Variants in TENM2 observed in about 807,000 individuals in gnomAD.
TENM2 encodes the protein teneurin-2.
In TENM2, 52 loss-of-function variants were observed where a neutral mutation model predicts 245.2. That is an observed-to-expected ratio of 0.21 (90% CI 0.17 to 0.27). The LOEUF (loss-of-function observed/expected upper bound fraction) is 0.27, where lower values mean the gene tolerates loss of function less well. TENM2 is among the 10% of genes least tolerant of loss of function. TENM2 has a pLI of 1.00. For missense variants in TENM2, 3,046 were observed against 3,666.8 expected (o/e 0.83, Z 4.37); for synonymous variants, 1,363 against 1,438.9 (o/e 0.95, Z 1.19).
chr5:167,483,774 A>G (rs1262390043), intron 2 of TENM2, among the ~76,000 whole-genome samples: 1 of 152,188 alleles, frequency 6.6e-6, no homozygotes, highest in Non-Finnish European at 1.5e-5. Flanking sequence ...TTTTTAAGCC[A>G]AAAATTTAAG....
chr5:167,650,389 T>G (rs1754375699), intron 2 of TENM2, among the ~76,000 whole-genome samples: 1 of 152,196 alleles, frequency 6.6e-6, no homozygotes. Flanking sequence ...TTTTCTGGCT[T>G]TGCCCCTAAT....
At chr5:167,621,708 C>T (rs1778186542) in intron 2 of TENM2, among the ~76,000 whole-genome samples, 1 of 152,248 alleles carries the variant, frequency 6.6e-6, no homozygotes, top group Admixed American at 6.5e-5. Context: ...GGATACCTAA[C>T]ATAGGTAAGC....
At chr5:167,009,232 G>A in the TENM2 span, among the ~76,000 whole-genome samples, 2 of 152,038 alleles carry the variant, frequency 1.3e-5, no homozygotes, top group Non-Finnish European at 2.9e-5. Context: ...CCCTACACAC[G>A]CACACATATA....
chr5:168,171,843 C>G (rs1168859152), intron 13 of TENM2, among the ~76,000 whole-genome samples: 4 of 152,138 alleles, frequency 2.6e-5, no homozygotes, highest in Non-Finnish European at 5.9e-5. Context: ...TCACTGGTGG[C>G]AAGGAGGTGA....
intron 2 of TENM2, among the ~76,000 whole-genome samples, chr5:167,649,551 A>G (rs1561637464): frequency 6.6e-6 from 1 of 152,140 alleles, no homozygotes; most frequent in Non-Finnish European, 1.5e-5. Context: ...GTCTTTTGAG[A>G]CTGTCTTTTT....
intron 9 of TENM2, among the ~76,000 whole-genome samples, chr5:168,113,321 A>AAAT (rs760696651): frequency 1.4e-4 from 21 of 151,984 alleles, no homozygotes; most frequent in Admixed American, 2.0e-4. Context: ...CCATGTCTCC[A>AAAT]AATAATAATA....
intron 13 of TENM2, among the ~76,000 whole-genome samples, chr5:168,185,826 CTT>C (rs5873094): frequency 6.8e-5 from 10 of 146,188 alleles, no homozygotes; most frequent in African/African-American, 1.2e-4. Context: ...ACTTTTGCAT[CTT>C]TTTTTTTAAA....
chr5:167,948,229 T>C (rs1408533472), intron 3 of TENM2, among the ~76,000 whole-genome samples: 1 of 152,190 alleles, frequency 6.6e-6, no homozygotes, highest in Admixed American at 6.5e-5. Flanking sequence ...TTATGGGAAT[T>C]GGTATCGTTA....
the TENM2 span, among the ~76,000 whole-genome samples, chr5:167,006,653 C>CT: frequency 0.082 from 12,181 of 149,226 alleles, 605 homozygotes; most frequent in East Asian, 0.31. Context: ...CATATTCCAT[C>CT]TTTTTTTTTT....
intron 2 of TENM2, among the ~76,000 whole-genome samples, chr5:167,377,537 A>G (rs1760835663): frequency 2.0e-5 from 3 of 152,300 alleles, no homozygotes; most frequent in Admixed American, 2.0e-4. Context: ...TATTTTACAT[A>G]TTCAAAAGAG....
At chr5:167,339,171 C>T (rs1470569847) in intron 1 of TENM2, among the ~76,000 whole-genome samples, 1 of 152,198 alleles carries the variant, frequency 6.6e-6, no homozygotes, top group Non-Finnish European at 1.5e-5. Context: ...TAAATAGTAT[C>T]TAAATCAGAT....
At chr5:167,876,216 C>G in intron 3 of TENM2, 21 bp downstream of exon 5, 2 of 1,530,402 alleles carry the variant, frequency 1.3e-6, no homozygotes, top group Non-Finnish European at 8.9e-7. Flanking sequence ...TCCGTGGTGT[C>G]TGAATGTGTG....
chr5:167,860,351 C>A (rs1190766021), intron 2 of TENM2, among the ~76,000 whole-genome samples: 3 of 92,712 alleles, frequency 3.2e-5, no homozygotes, highest in African/African-American at 1.3e-4. Flanking sequence ...CCAGCCGCCC[C>A]GTCCGGGAGG....
chr5:168,154,463 G>T (rs1756972700), intron 12 of TENM2, among the ~76,000 whole-genome samples: 2 of 152,152 alleles, frequency 1.3e-5, no homozygotes, highest in South Asian at 4.1e-4. Flanking sequence ...GACCCCAGGT[G>T]ATCCACCCGC....
rs1276752716 is a variant in TENM2, at chr5:167,284,804, C to A, written c.-34C>A. On this transcript the variant is annotated 5_prime_UTR_variant, in exon 1 of 29. It adds an upstream start codon to the 5' untranslated region. Coordinates refer to ENST00000518659, the Ensembl canonical transcript of TENM2. ...GTGCCAAAACTCAGGCCTGACTTTT[C>A]TGAAAACATCAGCATTCTGCCATAT... 23 of 1,517,688 alleles carry A rather than the reference C, an allele frequency of 1.5e-5. No individual in the cohort carries two copies. Among genetic ancestry groups the A allele is most frequent in the Non-Finnish European group, 2.1e-5 (23 of 1,118,330 alleles). 94.0% of individuals were successfully genotyped at this position (1,517,688 alleles called of 1,614,324 possible).
In TENM2 at chr5:167,436,690, C is replaced by T. The variant is rs149868666; in HGVS notation, c.502+61217C>T. On this transcript the variant is annotated intron_variant, in intron 2 of 28. Coordinates refer to ENST00000518659, the Ensembl canonical transcript of TENM2. ...AGAAAATGGTTTCATGGACTGGGCCCAGGGTTCCCGTGCTGTGTGTAGTCT... is the reference window on the plus strand; with the variant it reads ...AGAAAATGGTTTCATGGACTGGGCCTAGGGTTCCCGTGCTGTGTGTAGTCT... 7.1e-3 allele frequency among the ~76,000 whole-genome samples: 1,079 copies of T among 152,222 alleles called. 3 individuals carry two copies. Among genetic ancestry groups the T allele is most frequent in the African/African-American group, 0.025 (1,021 of 41,538 alleles).
At chr5:168,113,484 TC>T (rs973385713) in intron 9 of TENM2, among the ~76,000 whole-genome samples, 12 of 152,260 alleles carry the variant, frequency 7.9e-5, no homozygotes, top group African/African-American at 2.9e-4. Flanking sequence ...ACTGAGCCTC[TC>T]CAATATCCTT....
At chr5:167,062,559 TA>T in the TENM2 span, among the ~76,000 whole-genome samples, 8 of 152,178 alleles carry the variant, frequency 5.3e-5, no homozygotes, top group Non-Finnish European at 1.0e-4. Context: ...AAGTATTGTA[TA>T]ACTATTTTTG....
chr5:166,989,551 C>T, the TENM2 span, among the ~76,000 whole-genome samples: 3 of 151,768 alleles, frequency 2.0e-5, no homozygotes, highest in African/African-American at 7.3e-5. Flanking sequence ...TGGCCCACAT[C>T]AGGCTAACTT....
Sources: gnomAD v4.1 joint callset for allele counts (sites outside exome capture counted in the v4.1 genomes callset) on GRCh38, gnomAD v4.1.1 for gene constraint, MANE v1.5 for transcripts, NCBI Gene and HGNC (gene_info 2026-07-23, HGNC 2026-07-21) for gene names.